TAS2R1: variants seen among roughly 807,000 people sequenced by gnomAD.
TAS2R1 encodes the protein taste 2 receptor member 1.
For missense variants in TAS2R1, 370 were observed against 353.4 expected (o/e 1.05, Z -0.38); for synonymous variants, 141 against 134.2 (o/e 1.05, Z -0.35).
Position 9,629,779 on chromosome 5 carries a change from A to G in TAS2R1, c.254T>C (p.Leu85Pro), listed in dbSNP as rs775030634. 1 of 1,613,902 alleles carries G rather than the reference A, an allele frequency of 6.2e-7. No individual in the cohort carries two copies. Among genetic ancestry groups the G allele is most frequent in the Non-Finnish European group, 8.5e-7 (1 of 1,179,880 alleles). Residue 85 changes from leucine (L) to proline (P), a missense_variant, in exon 1 of 1, where the codon CTC (leucine) becomes CCC (proline). Coordinates refer to ENST00000382492, the MANE Select transcript of TAS2R1 (RefSeq NM_019599.3). ...AAGTTCCAATTCATTTATAAATAAG[A>G]GAATTGCACAATTCGCAGAACACAT... ...FIMCSANCAI[L>P]LFINELELWL...
At chr5:9,633,575 T>C (rs1739917160), upstream of TAS2R1, among the ~76,000 whole-genome samples, 1 of 151,826 alleles carries the variant, frequency 6.6e-6, no homozygotes, top group African/African-American at 2.4e-5. Flanking sequence ...GCAGTGTAAA[T>C]GTGTTCCCTT....
intron 2 of TAS2R1, among the ~76,000 whole-genome samples, chr5:9,635,912 G>C (rs931214671): frequency 6.6e-6 from 1 of 151,346 alleles, no homozygotes; most frequent in African/African-American, 2.4e-5. Flanking sequence ...TATCTTTTTT[G>C]TTGTTTTTGT....
chr5:9,690,352 T>C (rs42372), intron 1 of TAS2R1, among the ~76,000 whole-genome samples: 49,642 of 152,008 alleles, frequency 0.33, 9,254 homozygotes, highest in Non-Finnish European at 0.43. Flanking sequence ...AACTAGAATA[T>C]CCATGTCTAT....
intron 1 of TAS2R1, among the ~76,000 whole-genome samples, chr5:9,687,619 C>G (rs565044097): frequency 5.3e-5 from 8 of 152,150 alleles, no homozygotes; most frequent in Non-Finnish European, 1.2e-4. Context: ...CCGGTTGGTC[C>G]CTTCCCTGAG....
the TAS2R1 span, among the ~76,000 whole-genome samples, chr5:9,720,728 C>T: frequency 6.6e-6 from 1 of 152,162 alleles, no homozygotes; most frequent in Non-Finnish European, 1.5e-5. Flanking sequence ...GGTGGGGCAT[C>T]AACAAGGACA....
chr5:9,668,813 A>C (rs989858972), intron 1 of TAS2R1, among the ~76,000 whole-genome samples: 8 of 152,148 alleles, frequency 5.3e-5, no homozygotes, highest in Non-Finnish European at 1.5e-5. Flanking sequence ...AAGCACACTT[A>C]AGTACAAAGA....
At chr5:9,868,338 A>C in the TAS2R1 span, among the ~76,000 whole-genome samples, 1 of 152,228 alleles carries the variant, frequency 6.6e-6, no homozygotes, top group Non-Finnish European at 1.5e-5. Flanking sequence ...TCTGAAATCT[A>C]GGTTCCGAAT....
chr5:9,678,950 A>G (rs1402104408), intron 1 of TAS2R1, among the ~76,000 whole-genome samples: 9 of 152,158 alleles, frequency 5.9e-5, no homozygotes, highest in South Asian at 2.1e-4. Context: ...AAGTTGATGG[A>G]AAAAAATGGT....
chr5:9,682,115 T>A (rs1279245787), intron 1 of TAS2R1, among the ~76,000 whole-genome samples: 1 of 152,200 alleles, frequency 6.6e-6, no homozygotes, highest in South Asian at 2.1e-4. Context: ...GAAGGACACA[T>A]TAAATGAGAG....
the TAS2R1 span, among the ~76,000 whole-genome samples, chr5:9,781,551 TC>T: frequency 6.6e-6 from 1 of 152,184 alleles, no homozygotes; most frequent in African/African-American, 2.4e-5. Flanking sequence ...AAAGGCACAG[TC>T]CCTGCCCAGG....
chr5:9,823,511 GGGA>G, the TAS2R1 span, among the ~76,000 whole-genome samples: 1 of 146,660 alleles, frequency 6.8e-6, no homozygotes, highest in African/African-American at 2.5e-5. Flanking sequence ...GGAAGGGGAA[GGGA>G]GGGAAGGGAA....
At chr5:9,791,284 C>G in the TAS2R1 span, among the ~76,000 whole-genome samples, 1 of 152,202 alleles carries the variant, frequency 6.6e-6, no homozygotes, top group African/African-American at 2.4e-5. Flanking sequence ...CCAGCATGTA[C>G]AGTGAGAGAG....
At chr5:9,849,194 T>C in the TAS2R1 span, among the ~76,000 whole-genome samples, 43,985 of 152,044 alleles carry the variant, frequency 0.29, 7,063 homozygotes, top group Non-Finnish European at 0.37. Context: ...TGGATCAGAA[T>C]TAAACCTGAC....
the TAS2R1 span, among the ~76,000 whole-genome samples, chr5:9,755,448 G>A: frequency 3.3e-5 from 5 of 151,690 alleles, no homozygotes; most frequent in African/African-American, 7.3e-5. Flanking sequence ...TTAGCCAGGC[G>A]TGGTAGCGTG....
chr5:9,786,535 G>A, the TAS2R1 span, among the ~76,000 whole-genome samples: 1 of 152,204 alleles, frequency 6.6e-6, no homozygotes, highest in South Asian at 2.1e-4. Context: ...TTCTCAACGT[G>A]GGCTGAGTAT....
the TAS2R1 span, among the ~76,000 whole-genome samples, chr5:9,818,755 G>A: frequency 1.3e-5 from 2 of 152,208 alleles, no homozygotes; most frequent in Admixed American, 1.3e-4. Context: ...GGACCCAAGG[G>A]GTGGGGAAAT....
At chr5:9,813,715 A>G in the TAS2R1 span, among the ~76,000 whole-genome samples, 7 of 152,188 alleles carry the variant, frequency 4.6e-5, no homozygotes, top group African/African-American at 1.7e-4. Flanking sequence ...AAAGTCATAT[A>G]TGACTTCCAA....
At chr5:9,679,753 T>C (rs915204892) in intron 1 of TAS2R1, among the ~76,000 whole-genome samples, 7 of 152,200 alleles carry the variant, frequency 4.6e-5, no homozygotes, top group African/African-American at 1.7e-4. Flanking sequence ...TGAACTCATG[T>C]TTAGCTTAAT....
At chr5:9,716,187 T>C (rs147798924), upstream of TAS2R1, among the ~76,000 whole-genome samples, 173 of 152,198 alleles carry the variant, frequency 1.1e-3, 1 homozygote, top group African/African-American at 3.8e-3. Flanking sequence ...CTGGGAGGAA[T>C]GTGCGCTGGG....
Sources: allele counts gnomAD v4.1 joint callset (sites outside exome capture counted in the v4.1 genomes callset), GRCh38; gene constraint gnomAD v4.1.1; transcripts MANE v1.5; gene names NCBI Gene and HGNC (gene_info 2026-07-23, HGNC 2026-07-21).